Variants in TCTN1 observed in about 807,000 individuals in gnomAD.
TCTN1 encodes tectonic-1.
Under a neutral mutation model 65.8 loss-of-function variants are expected in TCTN1, and 58 were observed. The ratio of observed to expected loss-of-function variants is 0.88; its 90% CI spans 0.71 to 1.10. The LOEUF (loss-of-function observed/expected upper bound fraction) is 1.10. TCTN1 is among the 50% of genes least tolerant of loss of function. The pLI is 0.00. For synonymous variants in TCTN1, 273 were observed against 289.1 expected (o/e 0.94, Z 0.57); for missense variants, 645 against 719.4 (o/e 0.90, Z 1.18).
At chr12:110,621,039 A>C (rs2065391292) in intron 2 of TCTN1, among the ~76,000 whole-genome samples, 1 of 152,170 alleles carries the variant, frequency 6.6e-6, no homozygotes. Context: ...TCCTGACCTC[A>C]GGTGATCCGC....
intron 4 of TCTN1, chr12:110,630,321 TCTC>T (rs1382320256): frequency 2.0e-5 from 3 of 152,214 alleles, no homozygotes; most frequent in Non-Finnish European, 4.4e-5. Context: ...AGTTCTTTGT[TCTC>T]CTCAACCTTA....
Position 110,640,033 on chromosome 12 carries a change from AGACTT to A in TCTN1, c.844-349_844-345del, listed in dbSNP as rs2066845112. On this transcript the variant is annotated intron_variant, in intron 7 of 14. Transcript: ENST00000397659. This position sits in a 1 kb window ranked among gnomAD's most constrained non-coding sequence, Gnocchi z 4.9. ...ATGAGTCATATGCCTTTGTAAGGCT[AGACTT>A]TGTATTTATCCATTCATCAGTTGAT... 6.6e-6 allele frequency among the ~76,000 whole-genome samples: 1 copy of A among 152,212 alleles called. No homozygotes were observed. Among genetic ancestry groups the A allele is most frequent in the Non-Finnish European group, 1.5e-5 (1 of 68,032 alleles).
At chr12:110,633,674 T>C (rs1310646733) in intron 5 of TCTN1, among the ~76,000 whole-genome samples, 1 of 148,554 alleles carries the variant, frequency 6.7e-6, no homozygotes, top group East Asian at 2.0e-4. Context: ...CAAAAACAAC[T>C]CCCCCTCCCC....
In TCTN1 at chr12:110,644,867, A is replaced by C; in HGVS notation, c.1332-100A>C. On this transcript the variant is annotated intron_variant, in intron 11 of 14. Transcript: ENST00000397659. The surrounding 1 kb of genome is among the most constrained non-coding windows in gnomAD (Gnocchi z 4.6). ...GGCATCAGAGTGAGACCTTATCTCAAAAATAAATAAACAAAGGGAAGGAAA... is the reference window on the plus strand; with the variant it reads ...GGCATCAGAGTGAGACCTTATCTCACAAATAAATAAACAAAGGGAAGGAAA... 6.5e-7 allele frequency: 1 copy of C among 1,532,142 alleles called. No homozygotes were observed. The highest frequency in any genetic ancestry group is 2.3e-5 in the East Asian group (1 of 44,322). The allele number at this position is 1,532,142 out of a possible 1,614,324, so 94.9% of individuals were successfully genotyped here. A position where few individuals can be genotyped will look rare whatever the true frequency, so the allele number is the denominator to read the frequency against.
At chr12:110,620,057 A>G (rs951280144) in intron 2 of TCTN1, 101 bp downstream of exon 2, 27 of 1,550,920 alleles carry the variant, frequency 1.7e-5, no homozygotes, top group Non-Finnish European at 2.3e-5. Flanking sequence ...CCCAAACCTG[A>G]TTTCCAGTGT....
intron 2 of TCTN1, among the ~76,000 whole-genome samples, chr12:110,624,991 G>A (rs776671718): frequency 1.1e-4 from 16 of 152,168 alleles, no homozygotes; most frequent in Non-Finnish European, 2.1e-4. Context: ...ACTGTGCCTG[G>A]CCCTGTACCA....
At chr12:110,641,269 G>A in intron 9 of TCTN1, 120 bp downstream of exon 9, 1 of 1,350,518 alleles carries the variant, frequency 7.4e-7, no homozygotes. Context: ...TGAACAGAGG[G>A]CTTTGTGTAG....
intron 2 of TCTN1, among the ~76,000 whole-genome samples, chr12:110,620,203 T>C (rs1565957394): frequency 6.6e-6 from 1 of 151,984 alleles, no homozygotes; most frequent in Non-Finnish European, 1.5e-5. Flanking sequence ...GTCAGGAGAT[T>C]GGGACCATTC....
At chr12:110,630,136 A>C (rs539548483) in intron 4 of TCTN1, 5 of 152,216 alleles carry the variant, frequency 3.3e-5, no homozygotes, top group Admixed American at 3.3e-4. Flanking sequence ...TGATGGGTTG[A>C]TGAGTGCAGT....
intron 1 of TCTN1, among the ~76,000 whole-genome samples, chr12:110,618,844 T>C (rs1401565917): frequency 1.3e-5 from 2 of 152,078 alleles, no homozygotes; most frequent in East Asian, 3.9e-4. Flanking sequence ...TCATCTTTGT[T>C]GCAAAGCGGC....
intron 2 of TCTN1, among the ~76,000 whole-genome samples, chr12:110,622,625 G>A (rs912468922): frequency 6.6e-6 from 1 of 152,114 alleles, no homozygotes; most frequent in East Asian, 1.9e-4. Context: ...GGACAGAGAT[G>A]GGGGGATGTG....
chr12:110,640,157 G>C lies in TCTN1; in HGVS notation c.844-226G>C, dbSNP rs1016797263. On this transcript the variant is annotated intron_variant, in intron 7 of 14. Transcript: ENST00000397659. The surrounding 1 kb of genome is among the most constrained non-coding windows in gnomAD (Gnocchi z 4.9). ...TTGTGTAAACTTTATGTTTTCAGAG[G>C]TAACTACTTTTAAAGTTTTGGTTAT... Among the ~76,000 whole-genome samples, 1 of 152,190 alleles carries C rather than the reference G, an allele frequency of 6.6e-6. No individual in the cohort carries two copies. Among genetic ancestry groups the C allele is most frequent in the Non-Finnish European group, 1.5e-5 (1 of 68,036 alleles).
intron 1 of TCTN1, 34 bp from the exon 2 acceptor site, chr12:110,619,802 G>A (rs777718043): frequency 1.9e-6 from 3 of 1,613,672 alleles, no homozygotes; most frequent in South Asian, 2.2e-5. Flanking sequence ...TGCTGATGGT[G>A]ATGTTCTGGA....
rs749639380 is a variant in TCTN1 at position 110,645,013 on chromosome 12, A to G, written c.1378A>G (p.Ser460Gly). ...PCQLVAQKVK[S>G]LLWGQGFPDY... ...TCAGCTCGTAGCACAGAAGGTGAAG[A>G]GCCTGCTGTGGGGCCAGGGCTTCCC... is the stretch of plus-strand genomic sequence containing the variant. Residue 460 changes from serine to glycine, a missense_variant, in exon 12 of 15, where the codon AGC (serine) becomes GGC (glycine). Coordinates refer to ENST00000397659, the MANE Select transcript of TCTN1 (RefSeq NM_001082538.3). 2 of 1,614,208 alleles carry G rather than the reference A, an allele frequency of 1.2e-6. No homozygotes were observed. The highest frequency in any genetic ancestry group is 1.1e-5 in the South Asian group (1 of 91,088).
intron 3 of TCTN1, chr12:110,628,039 C>T (rs1243153752): frequency 2.0e-6 from 3 of 1,535,542 alleles, no homozygotes; most frequent in East Asian, 2.4e-5. Context: ...CCTTCTCTCT[C>T]TTCTGTACAC....
chr12:110,624,019 A>G (rs1298565178), intron 2 of TCTN1, among the ~76,000 whole-genome samples: 1 of 152,050 alleles, frequency 6.6e-6, no homozygotes, highest in South Asian at 2.1e-4. Context: ...TTAAAACAGT[A>G]TGTAGAATAT....
intron 3 of TCTN1, chr12:110,628,341 C>CTTT (rs1220087506): frequency 1.0e-3 from 863 of 835,360 alleles, no homozygotes; most frequent in Non-Finnish European, 1.2e-3. Flanking sequence ...GAAAAATACA[C>CTTT]TTTTTTTTTT....
At chr12:110,623,653 C>T (rs867864500) in intron 2 of TCTN1, among the ~76,000 whole-genome samples, 11 of 152,168 alleles carry the variant, frequency 7.2e-5, no homozygotes, top group South Asian at 2.1e-4. Context: ...CCTAAACCAA[C>T]GATCATAGCT....
intron 1 of TCTN1, among the ~76,000 whole-genome samples, chr12:110,616,512 T>C (rs1034218960): frequency 1.3e-5 from 2 of 152,110 alleles, no homozygotes; most frequent in Non-Finnish European, 2.9e-5. Flanking sequence ...TCCCATAGTG[T>C]TAGGATTACA....
Sources: allele counts gnomAD v4.1 joint callset (sites outside exome capture counted in the v4.1 genomes callset), GRCh38; gene constraint gnomAD v4.1.1; non-coding constraint Gnocchi (gnomAD v3.1); transcripts MANE v1.5; gene names NCBI Gene and HGNC (gene_info 2026-07-23, HGNC 2026-07-21).